Variants in LRRC4C observed in about 807,000 individuals in gnomAD.
The protein encoded by LRRC4C is leucine-rich repeat-containing protein 4C.
A neutral mutation model predicts 33.6 loss-of-function variants in LRRC4C; 5 were observed. That is an observed-to-expected ratio of 0.15 (90% CI 0.08 to 0.31). The LOEUF (loss-of-function observed/expected upper bound fraction) is 0.31. LRRC4C is among the 10% of genes least tolerant of loss of function. The pLI is 1.00. For missense variants in LRRC4C, 560 were observed against 796.7 expected (o/e 0.70, Z 3.58); for synonymous variants, 329 against 302.0 (o/e 1.09, Z -0.93).
intron 5 of LRRC4C, among the ~76,000 whole-genome samples, chr11:40,163,990 T>C (rs1344397742): frequency 2.6e-5 from 4 of 152,192 alleles, no homozygotes; most frequent in Non-Finnish European, 5.9e-5. Flanking sequence ...ATAATTTTTA[T>C]ATAAGACTAT....
intron 1 of LRRC4C, among the ~76,000 whole-genome samples, chr11:41,298,670 G>T (rs545871326): frequency 5.9e-5 from 9 of 152,108 alleles, no homozygotes; most frequent in Non-Finnish European, 1.0e-4. Context: ...AATTTAAGGG[G>T]TGCAAGTGCA....
intron 1 of LRRC4C, among the ~76,000 whole-genome samples, chr11:40,983,641 A>T (rs1045378445): frequency 2.0e-5 from 3 of 152,218 alleles, no homozygotes; most frequent in African/African-American, 7.2e-5. Flanking sequence ...GAACTTAGAC[A>T]AATTTACAAG....
intron 3 of LRRC4C, among the ~76,000 whole-genome samples, chr11:40,480,260 CTG>C (rs1376735360): frequency 6.6e-6 from 1 of 151,256 alleles, no homozygotes; most frequent in African/African-American, 2.4e-5. Flanking sequence ...CTAGGTAACA[CTG>C]TGAAAGTTTT....
At chr11:41,041,636 CA>C (rs1213863565) in intron 1 of LRRC4C, among the ~76,000 whole-genome samples, 1 of 152,094 alleles carries the variant, frequency 6.6e-6, no homozygotes, top group Non-Finnish European at 1.5e-5. Flanking sequence ...GATACATACA[CA>C]AACATACACA....
intron 2 of LRRC4C, among the ~76,000 whole-genome samples, chr11:40,869,701 G>C (rs943514492): frequency 6.6e-6 from 1 of 152,120 alleles, no homozygotes; most frequent in African/African-American, 2.4e-5. Flanking sequence ...CATGTGGACA[G>C]CTCACCCCAA....
chr11:41,440,197 G>A (rs1218781342), intron 1 of LRRC4C, among the ~76,000 whole-genome samples: 3 of 151,946 alleles, frequency 2.0e-5, no homozygotes, highest in African/African-American at 7.3e-5. Flanking sequence ...TTTGTATATG[G>A]TGAGAGACAT....
At chr11:40,461,878 G>C (rs1208311869) in intron 3 of LRRC4C, among the ~76,000 whole-genome samples, 1 of 151,748 alleles carries the variant, frequency 6.6e-6, no homozygotes. Context: ...TTAAATATGG[G>C]TTTATAATAA....
chr11:40,438,227 G>A (rs1249446467), intron 3 of LRRC4C, among the ~76,000 whole-genome samples: 3 of 152,138 alleles, frequency 2.0e-5, no homozygotes, highest in Non-Finnish European at 4.4e-5. Flanking sequence ...GCTTCCCCTA[G>A]TTGTCCCTGT....
chr11:41,240,352 A>G (rs1175782050), intron 1 of LRRC4C, among the ~76,000 whole-genome samples: 1 of 152,192 alleles, frequency 6.6e-6, no homozygotes, highest in East Asian at 1.9e-4. Flanking sequence ...CCCTCTCACA[A>G]TGATAAAATG....
chr11:40,642,809 A>AT (rs1382828429), intron 3 of LRRC4C, among the ~76,000 whole-genome samples: 1 of 152,190 alleles, frequency 6.6e-6, no homozygotes, highest in African/African-American at 2.4e-5. Flanking sequence ...TAAACTTAGT[A>AT]GAGTTATTTT....
chr11:40,421,686 G>A (rs987915487), intron 3 of LRRC4C, among the ~76,000 whole-genome samples: 11 of 152,062 alleles, frequency 7.2e-5, no homozygotes, highest in African/African-American at 2.7e-4. Flanking sequence ...ATTTCCCTTT[G>A]AATTAAACAC....
rs561787704 is a variant in LRRC4C at position 41,094,116 on chromosome 11, G to A, written c.-495-160393C>T. 1.1e-4 allele frequency among the ~76,000 whole-genome samples: 17 copies of A among 148,322 alleles called. No individual in the cohort carries two copies. The East Asian group carries it at 2.9e-3, about 25-fold the overall frequency. ...TGGCGACAGAGCGAGACTCCGTATCGGGGGAAAAAAAAAAAGTGACAGACT... is the reference window on the plus strand; with the variant it reads ...TGGCGACAGAGCGAGACTCCGTATCAGGGGAAAAAAAAAAAGTGACAGACT... On this transcript the variant is annotated intron_variant, in intron 1 of 6. Coordinates refer to ENST00000528697, the MANE Select transcript of LRRC4C (RefSeq NM_001258419.2).
intron 3 of LRRC4C, among the ~76,000 whole-genome samples, chr11:40,365,127 A>G (rs1411807315): frequency 6.6e-6 from 1 of 151,618 alleles, no homozygotes; most frequent in African/African-American, 2.4e-5. Context: ...AAAAAGAAAT[A>G]TATAGGGAAT....
chr11:41,078,502 A>T (rs940590453), intron 1 of LRRC4C, among the ~76,000 whole-genome samples: 15 of 152,192 alleles, frequency 9.9e-5, no homozygotes, highest in African/African-American at 3.6e-4. Context: ...GGAAACTTAC[A>T]ATCATAGCAG....
At chr11:41,198,625 GA>G (rs66811240) in intron 1 of LRRC4C, among the ~76,000 whole-genome samples, 91,932 of 151,096 alleles carry the variant, frequency 0.61, 30,632 homozygotes, top group South Asian at 0.79. Context: ...GAGGGGAGAG[GA>G]AAAAAAAGTA....
chr11:41,049,084 G>A (rs1285566592), intron 1 of LRRC4C, among the ~76,000 whole-genome samples: 15 of 152,162 alleles, frequency 9.9e-5, no homozygotes, highest in Admixed American at 9.8e-4. Flanking sequence ...AATCTGATAT[G>A]GTTTGGCTGT....
At chr11:40,912,882 G>A (rs535640213) in intron 2 of LRRC4C, among the ~76,000 whole-genome samples, 64 of 152,196 alleles carry the variant, frequency 4.2e-4, no homozygotes, top group Non-Finnish European at 7.8e-4. Context: ...ACAAAAAAAG[G>A]CAGGGGTTGC....
At chr11:41,188,739 T>C (rs921228340) in intron 1 of LRRC4C, among the ~76,000 whole-genome samples, 4 of 149,148 alleles carry the variant, frequency 2.7e-5, no homozygotes, top group Admixed American at 6.7e-5. Context: ...AATGCAATGA[T>C]AAAGACTGGT....
chr11:40,493,135 GATAGCTAA>G (rs1279173581), intron 3 of LRRC4C, among the ~76,000 whole-genome samples: 1 of 151,602 alleles, frequency 6.6e-6, no homozygotes, highest in Non-Finnish European at 1.5e-5. Flanking sequence ...TAGAAATAGA[GATAGCTAA>G]ATTTATACCT....
Sources: gnomAD v4.1 joint callset for allele counts (sites outside exome capture counted in the v4.1 genomes callset) on GRCh38, gnomAD v4.1.1 for gene constraint, MANE v1.5 for transcripts, NCBI Gene and HGNC (gene_info 2026-07-23, HGNC 2026-07-21) for gene names.